TRANK1: variants seen among roughly 807,000 people sequenced by gnomAD.
TRANK1 encodes tetratricopeptide repeat and ankyrin repeat containing 1.
A neutral mutation model predicts 266.0 loss-of-function variants in TRANK1; 198 were observed. The observed-to-expected ratio is 0.74, with a 90% CI of 0.66 to 0.84. TRANK1 has a LOEUF of 0.84. TRANK1 is among the 40% of genes least tolerant of loss of function. TRANK1 has a pLI of 0.00. For synonymous variants in TRANK1, 1,396 were observed against 1,384.1 expected (o/e 1.01, Z -0.19); for missense variants, 3,326 against 3,634.6 (o/e 0.92, Z 2.18).
At chr3:36,926,124 C>G (rs1428053628) in intron 1 of TRANK1, among the ~76,000 whole-genome samples, 1 of 152,156 alleles carries the variant, frequency 6.6e-6, no homozygotes, top group African/African-American at 2.4e-5. Context: ...TGCTGAGGTA[C>G]TTTGCGTTTA....
rs548895426 is a variant in TRANK1 at position 36,908,497 on chromosome 3, G to A, written c.24-43C>T. 8 of 1,232,156 alleles carry A rather than the reference G, an allele frequency of 6.5e-6. No individual in the cohort carries two copies. The East Asian group carries it at 1.6e-4, about 24-fold the overall frequency. The allele number at this position is 1,232,156 out of a possible 1,614,324, so 76.3% of individuals were successfully genotyped here. A position where few individuals can be genotyped will look rare whatever the true frequency, so the allele number is the denominator to read the frequency against. ...AGACGCTTGCTGCCAGACCCGTGCA[G>A]GGCATGTTCACCTTCCGGTCTGCAT... On this transcript the variant is annotated intron_variant, in intron 1 of 23. Coordinates refer to ENST00000645898, the MANE Select transcript of TRANK1 (RefSeq NM_001329998.2).
chr3:36,863,188 A>C (rs2079168486), intron 10 of TRANK1, among the ~76,000 whole-genome samples: 1 of 152,164 alleles, frequency 6.6e-6, no homozygotes, highest in African/African-American at 2.4e-5. Flanking sequence ...CCACACCAAC[A>C]CTCACAATAC....
At chr3:36,920,518 A>G (rs1030911803) in intron 1 of TRANK1, among the ~76,000 whole-genome samples, 5 of 152,148 alleles carry the variant, frequency 3.3e-5, no homozygotes, top group African/African-American at 1.2e-4. Context: ...AAAGATGTTT[A>G]TTGGAGGATT....
At chr3:36,848,804 T>C (rs1374459665) in intron 15 of TRANK1, among the ~76,000 whole-genome samples, 1 of 152,174 alleles carries the variant, frequency 6.6e-6, no homozygotes, top group East Asian at 1.9e-4. Flanking sequence ...CCAAGGAAAG[T>C]AGGCAGAAGA....
intron 1 of TRANK1, among the ~76,000 whole-genome samples, chr3:36,930,853 G>C (rs1056311975): frequency 6.6e-6 from 1 of 152,150 alleles, no homozygotes; most frequent in Non-Finnish European, 1.5e-5. Flanking sequence ...TTGACATTGT[G>C]GTGGTGGCCA....
chr3:36,854,403 A>G (rs2079024135), intron 13 of TRANK1, among the ~76,000 whole-genome samples: 1 of 152,104 alleles, frequency 6.6e-6, no homozygotes, highest in Non-Finnish European at 1.5e-5. Flanking sequence ...CAACAACATA[A>G]CATTAGGCAA....
chr3:36,835,402 T>C (rs2078758370), intron 20 of TRANK1, among the ~76,000 whole-genome samples: 1 of 148,824 alleles, frequency 6.7e-6, no homozygotes, highest in Admixed American at 6.7e-5. Flanking sequence ...AAAAATAAAG[T>C]TAAATCCCAA....
At chr3:36,895,944 C>G (rs368879565) in intron 4 of TRANK1, among the ~76,000 whole-genome samples, 186 bp from the exon 5 acceptor site, 1 of 152,290 alleles carries the variant, frequency 6.6e-6, no homozygotes, top group Middle Eastern at 3.4e-3. Flanking sequence ...TTCAGTTCAT[C>G]ATAAAATCAA....
chr3:36,828,297 C>G lies in TRANK1; in HGVS notation c.8888G>C (p.Cys2963Ser). 6.2e-7 allele frequency: 1 copy of G among 1,612,382 alleles called. No homozygotes were observed. ...ACATTAGTATTTTCTCTGCTTTCCACATTTCCGAGAACGCCTTCTAGGCCG... is the reference window on the plus strand; with the variant it reads ...ACATTAGTATTTTCTCTGCTTTCCAGATTTCCGAGAACGCCTTCTAGGCCG... ...ELRPRRRSRK[C>S]GKQRKY is the part of the protein sequence containing the mutation. Residue 2963 changes from cysteine (C) to serine (S), a missense_variant, in exon 24 of 24, where the codon TGT becomes TCT. By Grantham distance (112) the Cys-to-Ser change is moderately radical (BLOSUM62 -1). Transcript: ENST00000645898.
intron 8 of TRANK1, among the ~76,000 whole-genome samples, chr3:36,881,878 C>T (rs995396639): frequency 6.6e-6 from 1 of 152,192 alleles, no homozygotes; most frequent in South Asian, 2.1e-4. Flanking sequence ...CTTCTTTCAC[C>T]TAGCATAACG....
intron 1 of TRANK1, among the ~76,000 whole-genome samples, chr3:36,917,884 G>A (rs2080148368): frequency 6.6e-6 from 1 of 152,108 alleles, no homozygotes; most frequent in Non-Finnish European, 1.5e-5. Flanking sequence ...TTTCATAGGG[G>A]GTGGGAAGCT....
chr3:36,895,588 T>A (rs893981642), intron 5 of TRANK1, 52 bp downstream of exon 5: 1 of 1,120,922 alleles, frequency 8.9e-7, no homozygotes, highest in Non-Finnish European at 1.2e-6. Flanking sequence ...TGGAAAGGAA[T>A]CATTTCATCA....
intron 8 of TRANK1, among the ~76,000 whole-genome samples, chr3:36,877,320 G>A (rs2079404116): frequency 6.6e-6 from 1 of 152,120 alleles, no homozygotes; most frequent in African/African-American, 2.4e-5. Context: ...CTGCCTAATG[G>A]ACAGAGTAGA....
In TRANK1 at chr3:36,856,059, A is replaced by C. The variant is rs977572655; in HGVS notation, c.3663T>G (p.His1221Gln). ...GAATGTTGGGGTCCAGTGGTTTGTA[A>C]TGACTAGTGGCCTTGGTGGACTTGG... ...ELSKSTKATS[H>Q]YKPLDPNIHK... The change falls in exon 13 of 24, where the codon CAT (histidine) becomes CAG (glutamine). Residue 1221 changes from histidine to glutamine, a missense_variant. His to Gln is a conservative substitution (Grantham distance 24). Transcript: ENST00000645898. 6.2e-7 allele frequency: 1 copy of C among 1,613,644 alleles called. No homozygotes were observed. Among genetic ancestry groups the C allele is most frequent in the African/African-American group, 1.3e-5 (1 of 74,844 alleles).
In TRANK1 at chr3:36,878,748, AC is replaced by A. The variant is rs370649238; in HGVS notation, c.908-4453del. Among the ~76,000 whole-genome samples the A allele has an allele frequency of 9.5e-3, 1,376 of 144,720 alleles. 28 individuals carry two copies. The highest frequency in any genetic ancestry group is 0.033 in the African/African-American group (1,291 of 39,056). The allele number at this position is 144,720 out of a possible 152,430, so 94.9% of individuals were successfully genotyped here. On this transcript the variant is annotated intron_variant, in intron 8 of 23. Transcript: ENST00000645898. ...ACCTATATAATAAACCTGCAAAAGT[AC>A]CCCCCCCGAACCTAAAATGAAAGTT...
chr3:36,863,042 T>A (rs532098426), intron 10 of TRANK1, among the ~76,000 whole-genome samples: 2 of 151,254 alleles, frequency 1.3e-5, no homozygotes, highest in African/African-American at 4.9e-5. Context: ...CAGAAAAAAG[T>A]TAAAAAGGTT....
intron 8 of TRANK1, among the ~76,000 whole-genome samples, chr3:36,889,318 TG>T (rs1396518096): frequency 5.3e-5 from 8 of 152,186 alleles, no homozygotes; most frequent in Non-Finnish European, 1.2e-4. Context: ...CAGGCTAACA[TG>T]GTGCACCGGT....
At chr3:36,872,010 T>C (rs1292159023) in intron 9 of TRANK1, among the ~76,000 whole-genome samples, 1 of 152,228 alleles carries the variant, frequency 6.6e-6, no homozygotes, top group African/African-American at 2.4e-5. Context: ...GCTTACCAAC[T>C]ATTAAGTATT....
At position 36,832,561 on chromosome 3, in the gene TRANK1, G is replaced by C. The variant is rs759871827; in HGVS notation, c.7022C>G (p.Ser2341Cys). 3.7e-6 allele frequency: 6 copies of C among 1,613,902 alleles called. No homozygotes were observed. Among genetic ancestry groups the C allele is most frequent in the African/African-American group, 1.3e-5 (1 of 74,928 alleles). Residue 2341 changes from serine to cysteine, a missense_variant, in exon 22 of 24, where the codon TCC (serine) becomes TGC (cysteine). Transcript: ENST00000645898. ...CTTTTCAAACTCCTCCGGGTAGTTGGAAGAGAGAAGGAAAGCTTGCATGGC... is the reference window on the plus strand; with the variant it reads ...CTTTTCAAACTCCTCCGGGTAGTTGCAAGAGAGAAGGAAAGCTTGCATGGC... ...LSAMQAFLLS[S>C]NYPEEFEKLL...
Sources: allele counts gnomAD v4.1 joint callset (sites outside exome capture counted in the v4.1 genomes callset), GRCh38; gene constraint gnomAD v4.1.1; transcripts MANE v1.5; gene names NCBI Gene and HGNC (gene_info 2026-07-23, HGNC 2026-07-21).